The following KCNH1 variants were observed in gnomAD, a reference collection of about 807,000 sequenced individuals.
KCNH1 encodes voltage-gated delayed rectifier potassium channel KCNH1.
Under a neutral mutation model 69.2 loss-of-function variants are expected in KCNH1, and 27 were observed. The observed-to-expected ratio is 0.39, with a 90% CI of 0.29 to 0.54. The LOEUF (loss-of-function observed/expected upper bound fraction) is 0.54, where lower values mean the gene tolerates loss of function less well. KCNH1 is among the 20% of genes least tolerant of loss of function. KCNH1 has a pLI of 0.68. For missense variants in KCNH1, 798 were observed against 1,261.6 expected (o/e 0.63, Z 5.57); for synonymous variants, 456 against 487.7 (o/e 0.93, Z 0.86).
Position 211,133,916 on chromosome 1 carries a change from T to A in KCNH1, c.30A>T (p.Leu10=). 2 of 1,611,106 alleles carry A rather than the reference T, an allele frequency of 1.2e-6. No individual in the cohort carries two copies. The highest frequency in any genetic ancestry group is 8.5e-7 in the Non-Finnish European group (1 of 1,178,800). The change falls in exon 1 of 11, where the codon CTA becomes CTT. Residue 10 remains leucine (L), a synonymous_variant. Transcript: ENST00000271751. This position sits in a 1 kb window ranked among gnomAD's most constrained non-coding sequence, Gnocchi z 5.4. MTMAGGRRG[L]VAPQNTFLEN... ...CCAGAAACGTGTTTTGAGGGGCCAC[T>A]AGTCCCCTCCTGCCCCCAGCCATGG...
chr1:210,876,576 A>G (rs1686379712), intron 7 of KCNH1, among the ~76,000 whole-genome samples: 2 of 152,160 alleles, frequency 1.3e-5, no homozygotes, highest in African/African-American at 4.8e-5. Context: ...AATATTTTAA[A>G]TGCTCTTCTC....
In KCNH1 at chr1:210,682,366, A is replaced by G. The variant is rs1681289572; in HGVS notation, c.*915T>C. 6.6e-6 allele frequency: 1 copy of G among 152,162 alleles called. No individual in the cohort carries two copies. Among genetic ancestry groups the G allele is most frequent in the Non-Finnish European group, 1.5e-5 (1 of 68,064 alleles). 9.4% of individuals were successfully genotyped at this position (152,162 alleles called of 1,614,324 possible). On this transcript the variant is annotated 3_prime_UTR_variant, in exon 11 of 11. Transcript: ENST00000271751. ...GTGTGTCTGCTTTGTTAATAAAGCA[A>G]CTCTGGGCTCATGACCCTTCCTGCC...
At chr1:211,032,466 C>T (rs1445422460) in intron 5 of KCNH1, among the ~76,000 whole-genome samples, 1 of 152,096 alleles carries the variant, frequency 6.6e-6, no homozygotes, top group African/African-American at 2.4e-5. Flanking sequence ...CAATCCTAAG[C>T]CAAAAGAACA....
intron 3 of KCNH1, among the ~76,000 whole-genome samples, chr1:211,102,220 G>A (rs1158782162): frequency 6.6e-6 from 1 of 152,158 alleles, no homozygotes; most frequent in East Asian, 1.9e-4. Context: ...TGAAACCAAT[G>A]GCAAGTGAAT....
intron 6 of KCNH1, among the ~76,000 whole-genome samples, chr1:210,952,498 A>C (rs1688082761): frequency 1.3e-5 from 2 of 152,164 alleles, no homozygotes; most frequent in South Asian, 4.1e-4. Flanking sequence ...ACAAACCAAT[A>C]ATACTTGCAG....
At chr1:210,958,718 G>A (rs559033344) in intron 6 of KCNH1, among the ~76,000 whole-genome samples, 38 of 152,188 alleles carry the variant, frequency 2.5e-4, no homozygotes, top group South Asian at 1.2e-3. Flanking sequence ...TGAAGCTTGC[G>A]CATGCATCAC....
intron 5 of KCNH1, among the ~76,000 whole-genome samples, chr1:211,070,883 T>C (rs1690630481): frequency 6.6e-6 from 1 of 151,534 alleles, no homozygotes. Context: ...AGATAAGAAT[T>C]ACAGTTGGCC....
intron 5 of KCNH1, among the ~76,000 whole-genome samples, chr1:211,057,000 A>G (rs1283322665): frequency 2.0e-5 from 3 of 152,216 alleles, no homozygotes; most frequent in Non-Finnish European, 2.9e-5. Context: ...GAGACCATCC[A>G]GTAAAATGCG....
chr1:210,976,941 C>T (rs1178299580), intron 6 of KCNH1, among the ~76,000 whole-genome samples: 1 of 150,208 alleles, frequency 6.7e-6, no homozygotes, highest in Non-Finnish European at 1.5e-5. Context: ...TTTGACCCAG[C>T]CATCCCATTA....
chr1:211,033,073 C>A (rs1360987859), intron 5 of KCNH1, among the ~76,000 whole-genome samples: 1 of 152,110 alleles, frequency 6.6e-6, no homozygotes, highest in Non-Finnish European at 1.5e-5. Context: ...AAGAAAAAAA[C>A]AAACAACCCC....
chr1:210,699,036 G>A (rs1191964601), intron 10 of KCNH1, among the ~76,000 whole-genome samples: 1 of 152,176 alleles, frequency 6.6e-6, no homozygotes, highest in Non-Finnish European at 1.5e-5. Context: ...TATTTCTCCA[G>A]CTGGGTCTCT....
chr1:210,861,606 G>A (rs1206927958), intron 7 of KCNH1: 2 of 771,538 alleles, frequency 2.6e-6, no homozygotes, highest in African/African-American at 3.4e-5. Context: ...ATCAGTTCCA[G>A]TGGTATAGAG....
chr1:211,115,717 G>C (rs6689863), intron 1 of KCNH1, among the ~76,000 whole-genome samples: 1 of 96,744 alleles, frequency 1.0e-5, no homozygotes, highest in Non-Finnish European at 2.3e-5. Context: ...ATATATATAT[G>C]TATATATATA....
At chr1:211,096,300 G>T (rs929486274) in intron 3 of KCNH1, among the ~76,000 whole-genome samples, 8 of 152,270 alleles carry the variant, frequency 5.3e-5, no homozygotes, top group Non-Finnish European at 5.9e-5. Flanking sequence ...CTGACCTCAG[G>T]TGATCTGCCC....
intron 10 of KCNH1, among the ~76,000 whole-genome samples, chr1:210,741,273 A>G (rs775316052): frequency 1.3e-5 from 2 of 152,200 alleles, no homozygotes; most frequent in Non-Finnish European, 2.9e-5. Flanking sequence ...AGATTTACCT[A>G]CAACAGGATA....
intron 7 of KCNH1, among the ~76,000 whole-genome samples, chr1:210,884,728 G>A (rs188832767): frequency 2.6e-4 from 39 of 152,316 alleles, no homozygotes; most frequent in African/African-American, 8.2e-4. Context: ...TACCAAAGCC[G>A]TGCTGGAAGA....
chr1:210,925,366 G>T (rs763553032), intron 6 of KCNH1, among the ~76,000 whole-genome samples: 1 of 152,170 alleles, frequency 6.6e-6, no homozygotes, highest in Non-Finnish European at 1.5e-5. Flanking sequence ...AAAGCCAAGA[G>T]AATCCACAGA....
chr1:210,942,733 T>C (rs987014761), intron 6 of KCNH1, among the ~76,000 whole-genome samples: 5 of 150,602 alleles, frequency 3.3e-5, no homozygotes, highest in South Asian at 2.1e-4. Context: ...CAGAGACCCA[T>C]AGGGGAGCAA....
intron 2 of KCNH1, among the ~76,000 whole-genome samples, chr1:211,105,577 T>C (rs1691335144): frequency 6.6e-6 from 1 of 152,174 alleles, no homozygotes; most frequent in Non-Finnish European, 1.5e-5. Context: ...AAGGGATACC[T>C]TCGGGTAATT....
Sources: allele counts gnomAD v4.1 joint callset (sites outside exome capture counted in the v4.1 genomes callset), GRCh38; gene constraint gnomAD v4.1.1; non-coding constraint Gnocchi (gnomAD v3.1); transcripts MANE v1.5; gene names NCBI Gene and HGNC (gene_info 2026-07-23, HGNC 2026-07-21).